Variants in NCKAP5 observed in about 807,000 individuals in gnomAD.
NCKAP5 encodes nck-associated protein 5.
Under a neutral mutation model 167.0 loss-of-function variants are expected in NCKAP5, and 92 were observed. That is an observed-to-expected ratio of 0.55 (90% CI 0.47 to 0.66). The LOEUF is 0.66. NCKAP5 is among the 30% of genes least tolerant of loss of function. The pLI is 0.00. For synonymous variants in NCKAP5, 891 were observed against 877.4 expected, an observed-to-expected ratio of 1.02 and a Z score of -0.27; for missense variants, 2,378 against 2,315.0, an observed-to-expected ratio of 1.03 and a Z score of -0.56.
At chr2:133,052,021 T>C (rs2079622276) in intron 6 of NCKAP5, among the ~76,000 whole-genome samples, 1 of 152,184 alleles carries the variant, frequency 6.6e-6, no homozygotes, top group African/African-American at 2.4e-5. Context: ...GGGACTACAA[T>C]GATGAACAAA....
chr2:133,209,948 T>A (rs1225004776), intron 5 of NCKAP5, among the ~76,000 whole-genome samples: 1 of 151,998 alleles, frequency 6.6e-6, no homozygotes, highest in Non-Finnish European at 1.5e-5. Flanking sequence ...CGGGATTACC[T>A]GAGGTCAGGA....
intron 6 of NCKAP5, among the ~76,000 whole-genome samples, chr2:133,006,627 T>TTTTA (rs1491526360): frequency 2.3e-4 from 4 of 17,342 alleles, no homozygotes; most frequent in African/African-American, 9.0e-4. Context: ...TTTTATTTTA[T>TTTTA]TTTTTTTTTG....
chr2:133,516,110 T>C (rs1306239278), intron 3 of NCKAP5, among the ~76,000 whole-genome samples: 1 of 152,232 alleles, frequency 6.6e-6, no homozygotes, highest in African/African-American at 2.4e-5. Flanking sequence ...ACCCTACGGC[T>C]GTCTCTGTCC....
Position 132,773,871 on chromosome 2 carries a change from C to G in NCKAP5, c.5073G>C (p.Leu1691Phe), listed in dbSNP as rs764618607. The G allele has an allele frequency of 1.2e-6, 2 of 1,610,390 alleles. No individual in the cohort carries two copies. Residue 1691 changes from leucine (L) to phenylalanine (F), a missense_variant, in exon 16 of 20, where the codon TTG becomes TTC. By Grantham distance (22) the Leu-to-Phe change is conservative. This residue lies in a region of NCKAP5 where 1,325 missense variants were observed against 1,274.5 expected (regional missense o/e 1.04). Coordinates refer to ENST00000409261, the MANE Select transcript of NCKAP5 (RefSeq NM_207363.3). ...DSLVKEANEN[L>F]QEDEDDAVAD... ...CAACTGCATCGTCTTCATCCTCTTG[C>G]AAGTTTTCATTTGCCTCTTTTACCT... is the stretch of plus-strand genomic sequence containing the variant.
chr2:133,644,913 A>G, the NCKAP5 span, among the ~76,000 whole-genome samples: 2 of 152,218 alleles, frequency 1.3e-5, no homozygotes, highest in Non-Finnish European at 2.9e-5. Context: ...CAAAAGAATA[A>G]ATTATTTCAA....
chr2:132,804,747 G>A (rs570804583), intron 11 of NCKAP5, among the ~76,000 whole-genome samples: 52 of 152,140 alleles, frequency 3.4e-4, no homozygotes, highest in Non-Finnish European at 5.3e-4. Context: ...CTACTGTGTG[G>A]AAGAAGCTGT....
chr2:133,619,332 CA>C, the NCKAP5 span, among the ~76,000 whole-genome samples: 2 of 151,194 alleles, frequency 1.3e-5, no homozygotes, highest in East Asian at 3.9e-4. Context: ...AATAAAAAAT[CA>C]AAAATATGAT....
At chr2:133,548,161 G>T (rs1686919658) in intron 2 of NCKAP5, among the ~76,000 whole-genome samples, 1 of 151,508 alleles carries the variant, frequency 6.6e-6, no homozygotes, top group Admixed American at 6.6e-5. Flanking sequence ...AATGAAGCGA[G>T]AAGGGAAGGT....
At chr2:132,760,437 T>C (rs1214950211) in intron 16 of NCKAP5, among the ~76,000 whole-genome samples, 2 of 152,332 alleles carry the variant, frequency 1.3e-5, no homozygotes, top group Non-Finnish European at 2.9e-5. Context: ...AATTCTAATG[T>C]TTTCTGGTTT....
At chr2:133,055,318 G>A (rs1319124652) in intron 6 of NCKAP5, among the ~76,000 whole-genome samples, 1 of 152,068 alleles carries the variant, frequency 6.6e-6, no homozygotes, top group Non-Finnish European at 1.5e-5. Flanking sequence ...TCCTGGAAGA[G>A]AAGTAGGAAG....
intron 6 of NCKAP5, among the ~76,000 whole-genome samples, chr2:133,022,574 G>GA (rs1023167303): frequency 6.6e-6 from 1 of 152,140 alleles, no homozygotes; most frequent in African/African-American, 2.4e-5. Context: ...TCATCACAGA[G>GA]AAAACCAGAG....
At chr2:133,214,701 T>C (rs948204491) in intron 4 of NCKAP5, among the ~76,000 whole-genome samples, 6 of 152,266 alleles carry the variant, frequency 3.9e-5, no homozygotes, top group African/African-American at 1.2e-4. Context: ...ATTCTTCTGG[T>C]AATCCCTAAA....
intron 6 of NCKAP5, among the ~76,000 whole-genome samples, chr2:133,127,903 T>C (rs1223176808): frequency 2.0e-5 from 3 of 152,186 alleles, no homozygotes; most frequent in Non-Finnish European, 2.9e-5. Context: ...AAAGTATTGA[T>C]TGGTGTATTT....
intron 3 of NCKAP5, among the ~76,000 whole-genome samples, chr2:133,444,399 G>GAT (rs200603192): frequency 1.7e-5 from 2 of 115,110 alleles, no homozygotes; most frequent in African/African-American, 7.5e-5. Flanking sequence ...TAGATAGATA[G>GAT]ATAGATAGAT....
At chr2:133,620,372 G>T in the NCKAP5 span, among the ~76,000 whole-genome samples, 1 of 152,000 alleles carries the variant, frequency 6.6e-6, no homozygotes, top group Non-Finnish European at 1.5e-5. Context: ...CTGTCTTCAG[G>T]AGACTCACCT....
chr2:133,101,579 T>G (rs1169609390), intron 6 of NCKAP5, among the ~76,000 whole-genome samples: 1 of 151,760 alleles, frequency 6.6e-6, no homozygotes, highest in East Asian at 1.9e-4. Flanking sequence ...TTTATTTCCT[T>G]GAGCAGTGGT....
intron 6 of NCKAP5, among the ~76,000 whole-genome samples, chr2:133,019,842 G>A (rs1473605325): frequency 2.0e-5 from 3 of 152,206 alleles, no homozygotes; most frequent in South Asian, 2.1e-4. Flanking sequence ...TTAAAAACAA[G>A]CTCACTTATA....
chr2:133,595,117 A>C, the NCKAP5 span, among the ~76,000 whole-genome samples: 1 of 152,210 alleles, frequency 6.6e-6, no homozygotes, highest in African/African-American at 2.4e-5. Flanking sequence ...GAAGAGCAGG[A>C]GTTGAACCAA....
intron 11 of NCKAP5, among the ~76,000 whole-genome samples, chr2:132,819,973 T>C (rs1686582119): frequency 6.6e-6 from 1 of 152,140 alleles, no homozygotes; most frequent in African/African-American, 2.4e-5. Context: ...GGTATTCTCA[T>C]AGGTAGTTTC....
Sources: gnomAD v4.1 joint callset for allele counts (sites outside exome capture counted in the v4.1 genomes callset) on GRCh38, gnomAD v4.1.1 for gene constraint, gnomAD v4.1.1 regional missense constraint, MANE v1.5 for transcripts, NCBI Gene and HGNC (gene_info 2026-07-23, HGNC 2026-07-21) for gene names.